The following DSE variants were observed in gnomAD, a reference collection of about 807,000 sequenced individuals.
DSE encodes the protein dermatan-sulfate epimerase.
Under a neutral mutation model 84.4 loss-of-function variants are expected in DSE, and 36 were observed. That is an observed-to-expected ratio of 0.43 (90% CI 0.33 to 0.56). The LOEUF (loss-of-function observed/expected upper bound fraction) is 0.56. Among genes scored for constraint, DSE ranks in the 20% least tolerant of loss-of-function variants. The pLI is 0.06. For missense variants in DSE, 862 were observed against 1,169.6 expected (o/e 0.74, Z 3.84); for synonymous variants, 410 against 430.1 (o/e 0.95, Z 0.58).
intron 2 of DSE, among the ~76,000 whole-genome samples, chr6:116,269,696 A>G (rs545901841): frequency 6.6e-6 from 1 of 152,176 alleles, no homozygotes; most frequent in Non-Finnish European, 1.5e-5. Flanking sequence ...GCTTTACCAC[A>G]TTCTTCCACA....
chr6:116,273,980 C>T (rs1476876146), intron 2 of DSE, among the ~76,000 whole-genome samples: 1 of 151,736 alleles, frequency 6.6e-6, no homozygotes, highest in African/African-American at 2.4e-5. Context: ...CAGGCGCCTG[C>T]CACCACACCC....
At chr6:116,284,809 G>A (rs2114654438) in intron 2 of DSE, among the ~76,000 whole-genome samples, 1 of 152,054 alleles carries the variant, frequency 6.6e-6, no homozygotes, top group African/African-American at 2.4e-5. Context: ...TCAGAATGAT[G>A]ATTTCCAGCT....
chr6:116,287,433 A>G (rs1209779405), intron 2 of DSE, among the ~76,000 whole-genome samples: 1 of 152,086 alleles, frequency 6.6e-6, no homozygotes, highest in Non-Finnish European at 1.5e-5. Context: ...ATGTATAAGA[A>G]TGCATCATGT....
chr6:116,384,486 T>C (rs1249702869), intron 1 of DSE, among the ~76,000 whole-genome samples: 1 of 152,120 alleles, frequency 6.6e-6, no homozygotes, highest in East Asian at 1.9e-4. Flanking sequence ...TAGTGGGAGC[T>C]TTGTGCCTTG....
chr6:116,258,669 C>A (rs1405522816), exon 2 of DSE: 5 of 1,610,868 alleles, frequency 3.1e-6, no homozygotes, highest in Non-Finnish European at 4.2e-6. Context: ...GCCAGATGGC[C>A]TGATTCACAC....
intron 2 of DSE, among the ~76,000 whole-genome samples, chr6:116,331,546 T>C (rs1776933730): frequency 6.6e-6 from 1 of 152,166 alleles, no homozygotes; most frequent in South Asian, 2.1e-4. Context: ...ACAATTCGGA[T>C]TACAATTCAA....
intron 1 of DSE, among the ~76,000 whole-genome samples, chr6:116,373,204 A>G (rs976575135): frequency 2.6e-5 from 4 of 152,076 alleles, no homozygotes; most frequent in Non-Finnish European, 4.4e-5. Context: ...AATACAAAAC[A>G]AAAAATAAAT....
Position 116,348,251 on chromosome 6 carries a change from C to A in DSE, c.-53-50947C>A, listed in dbSNP as rs559428662. ...GACCATCCTGGCTAACACGGTGAAACCCCGTGTCTACTAAAAATTAAAAAA... is the reference window on the plus strand; with the variant it reads ...GACCATCCTGGCTAACACGGTGAAAACCCGTGTCTACTAAAAATTAAAAAA... On this transcript the variant is annotated intron_variant, in intron 2 of 3. Coordinates refer to the DSE transcript ENST00000430252. Among the ~76,000 whole-genome samples the A allele has an allele frequency of 2.3e-4, 35 of 152,154 alleles. 1 individual carries two copies. The highest frequency in any genetic ancestry group is 8.2e-4 in the African/African-American group (34 of 41,532).
At chr6:116,258,602 A>G (rs1382323240) in exon 2 of DSE, 2 of 1,611,574 alleles carry the variant, frequency 1.2e-6, no homozygotes, top group Non-Finnish European at 1.7e-6. Flanking sequence ...TCTGCCAGGC[A>G]CTCAGCAATG....
chr6:116,389,810 T>G (rs1780781182), intron 1 of DSE, among the ~76,000 whole-genome samples: 1 of 152,326 alleles, frequency 6.6e-6, no homozygotes, highest in South Asian at 2.1e-4. Context: ...AGAAAATCTT[T>G]TACTCTTTAG....
At chr6:116,263,169 T>C (rs1011303556) in intron 2 of DSE, among the ~76,000 whole-genome samples, 3 of 152,212 alleles carry the variant, frequency 2.0e-5, no homozygotes, top group South Asian at 2.1e-4. Flanking sequence ...AATATCTTTG[T>C]TAATTTTCTG....
chr6:116,280,067 C>T, intron 2 of DSE: 2 of 624,406 alleles, frequency 3.2e-6, no homozygotes, highest in Non-Finnish European at 5.8e-6. Flanking sequence ...TTACCCATAG[C>T]AACAGTAATT....
chr6:116,308,054 C>A (rs918309135), intron 2 of DSE, among the ~76,000 whole-genome samples: 1 of 152,190 alleles, frequency 6.6e-6, no homozygotes, highest in African/African-American at 2.4e-5. Context: ...AGTATACCAT[C>A]ACCATCCTGT....
rs1455404246 is a variant in DSE, at chr6:116,438,345, T to C, written c.*1000T>C. 1 of 152,522 alleles carries C rather than the reference T, an allele frequency of 6.6e-6. No individual in the cohort carries two copies. The highest frequency in any genetic ancestry group is 1.9e-4 in the East Asian group (1 of 5,202). The allele number at this position is 152,522 out of a possible 1,614,324, so 9.4% of individuals were successfully genotyped here. On this transcript the variant is annotated 3_prime_UTR_variant, in exon 6 of 6. Coordinates refer to ENST00000644252, the MANE Select transcript of DSE (RefSeq NM_013352.4). ...AATGCATTAACATTTTCCAAAATTT[T>C]TGAAGAGAGATCTTTATTTGGACGT...
At chr6:116,301,199 G>A (rs773528342) in intron 2 of DSE, among the ~76,000 whole-genome samples, 1 of 152,036 alleles carries the variant, frequency 6.6e-6, no homozygotes, top group Non-Finnish European at 1.5e-5. Flanking sequence ...GATCCAGAGA[G>A]CACACAAACA....
chr6:116,413,867 T>C (rs75799706), intron 2 of DSE, among the ~76,000 whole-genome samples: 1,732 of 152,308 alleles, frequency 0.011, 44 homozygotes, highest in African/African-American at 0.038. Flanking sequence ...CAAAAATTGG[T>C]GATTTGACTA....
At chr6:116,319,992 T>A (rs1776205695) in intron 2 of DSE, among the ~76,000 whole-genome samples, 1 of 152,212 alleles carries the variant, frequency 6.6e-6, no homozygotes, top group African/African-American at 2.4e-5. Context: ...CTTTTATGTG[T>A]TCTCATAGCA....
chr6:116,286,937 C>A (rs759363097), intron 2 of DSE, among the ~76,000 whole-genome samples: 28 of 152,134 alleles, frequency 1.8e-4, no homozygotes, highest in Non-Finnish European at 4.1e-4. Flanking sequence ...GTCTTACAAG[C>A]ACTGTCAGCC....
chr6:116,381,504 C>CT (rs1168917343), intron 1 of DSE, among the ~76,000 whole-genome samples: 1 of 152,146 alleles, frequency 6.6e-6, no homozygotes, highest in Non-Finnish European at 1.5e-5. Context: ...TTTGATCAGA[C>CT]TGCCTGCATT....
Sources: allele counts gnomAD v4.1 joint callset (sites outside exome capture counted in the v4.1 genomes callset), GRCh38; gene constraint gnomAD v4.1.1; transcripts MANE v1.5; gene names NCBI Gene and HGNC (gene_info 2026-07-23, HGNC 2026-07-21).